Variants in DAB2IP observed in about 807,000 individuals in gnomAD.
DAB2IP encodes the protein DAB2 interacting protein, also known as disabled homolog 2-interacting protein.
In DAB2IP, 28 loss-of-function variants were observed where a neutral mutation model predicts 107.2. The ratio of observed to expected loss-of-function variants is 0.26; its 90% CI spans 0.19 to 0.36. The LOEUF is 0.36. Ranked by LOEUF, DAB2IP falls within the 10% of genes least tolerant of loss-of-function variation. The probability of loss-of-function intolerance (pLI) is 1.00; values close to 1 mark genes in which losing one functional copy is unlikely to be tolerated. For synonymous variants in DAB2IP, 755 were observed against 706.4 expected (o/e 1.07, Z -1.09); for missense variants, 1,400 against 1,644.7 (o/e 0.85, Z 2.57).
At chr9:121,771,801 G>A (rs549508567) in intron 11 of DAB2IP, among the ~76,000 whole-genome samples, 7 of 152,162 alleles carry the variant, frequency 4.6e-5, no homozygotes, top group South Asian at 2.1e-4. Flanking sequence ...CTTCCTCTCC[G>A]TCTGAGGCTA....
intron 10 of DAB2IP, among the ~76,000 whole-genome samples, chr9:121,770,344 G>A (rs994569215): frequency 2.0e-5 from 3 of 152,188 alleles, no homozygotes; most frequent in African/African-American, 7.2e-5. Context: ...CCCTAGAAAT[G>A]TCCGGGAGCT....
chr9:121,600,421 C>A (rs951474759), intron 1 of DAB2IP, among the ~76,000 whole-genome samples: 1 of 152,150 alleles, frequency 6.6e-6, no homozygotes, highest in African/African-American at 2.4e-5. Flanking sequence ...CAGGGACCAA[C>A]GCCACCTGCT....
chr9:121,666,003 T>C (rs1833404600), intron 1 of DAB2IP, among the ~76,000 whole-genome samples: 2 of 152,368 alleles, frequency 1.3e-5, no homozygotes, highest in Admixed American at 1.3e-4. Flanking sequence ...CAGAAAGTTA[T>C]TGTCTTACAG....
chr9:121,584,133 G>A (rs538681362), intron 1 of DAB2IP, among the ~76,000 whole-genome samples: 5 of 152,164 alleles, frequency 3.3e-5, no homozygotes, highest in East Asian at 1.9e-4. Flanking sequence ...AGTTGAGATC[G>A]TGCCATTGCA....
exon 9 of DAB2IP, chr9:121,766,702 G>A: frequency 6.2e-7 from 1 of 1,614,004 alleles, no homozygotes; most frequent in Non-Finnish European, 8.5e-7. Flanking sequence ...CATCGCCAAG[G>A]TCACCCAGAA....
At chr9:121,573,926 C>G (rs1830003887) in intron 1 of DAB2IP, among the ~76,000 whole-genome samples, 1 of 152,120 alleles carries the variant, frequency 6.6e-6, no homozygotes, top group Non-Finnish European at 1.5e-5. Context: ...GGAAAATCCT[C>G]TCTCCCGGGG....
chr9:121,661,080 T>C (rs946824201), intron 1 of DAB2IP, among the ~76,000 whole-genome samples: 1 of 151,942 alleles, frequency 6.6e-6, no homozygotes, highest in Admixed American at 6.5e-5. Flanking sequence ...ATGAGGGTCA[T>C]TGAGGGCTGG....
intron 1 of DAB2IP, among the ~76,000 whole-genome samples, chr9:121,571,169 A>G (rs117436295): frequency 5.3e-5 from 8 of 151,826 alleles, no homozygotes; most frequent in Non-Finnish European, 7.4e-5. Context: ...TCCTTAAACC[A>G]TGTTCCCCCA....
intron 1 of DAB2IP, among the ~76,000 whole-genome samples, chr9:121,678,308 T>A (rs1828385529): frequency 6.6e-6 from 1 of 152,274 alleles, no homozygotes; most frequent in Non-Finnish European, 1.5e-5. Context: ...CATTACAGCT[T>A]AAATCAGAAC....
chr9:121,775,833 CAG>C (rs1369599699), intron 13 of DAB2IP, among the ~76,000 whole-genome samples: 1 of 152,234 alleles, frequency 6.6e-6, no homozygotes, highest in Non-Finnish European at 1.5e-5. Flanking sequence ...TCCCACCTCT[CAG>C]GGTGCTGTCA....
At chr9:121,604,307 G>A (rs1268397096) in intron 1 of DAB2IP, among the ~76,000 whole-genome samples, 1 of 152,182 alleles carries the variant, frequency 6.6e-6, no homozygotes, top group Non-Finnish European at 1.5e-5. Flanking sequence ...CTCTCCCTGG[G>A]GCGAGCAGCT....
At chr9:121,774,475 A>T in intron 13 of DAB2IP, 63 bp downstream of exon 13, 1 of 1,500,410 alleles carries the variant, frequency 6.7e-7, no homozygotes, top group Non-Finnish European at 8.9e-7. Context: ...AGCTGGTAGG[A>T]GTCTCTCCCC....
At chr9:121,705,248 T>G (rs1327299924) in intron 3 of DAB2IP, among the ~76,000 whole-genome samples, 1 of 152,192 alleles carries the variant, frequency 6.6e-6, no homozygotes, top group Non-Finnish European at 1.5e-5. Context: ...TGTTTGTCTG[T>G]GTACGTCTTT....
At chr9:121,716,611 C>T (rs937105886) in intron 3 of DAB2IP, among the ~76,000 whole-genome samples, 3 of 152,188 alleles carry the variant, frequency 2.0e-5, no homozygotes, top group Non-Finnish European at 2.9e-5. Flanking sequence ...GGATCCATCC[C>T]CGTCCCAGCA....
chr9:121,594,632 TC>T (rs1212171615), intron 1 of DAB2IP, among the ~76,000 whole-genome samples: 4 of 152,278 alleles, frequency 2.6e-5, no homozygotes, highest in African/African-American at 7.2e-5. Context: ...TTTGGAATGA[TC>T]CCTTTTGGTT....
chr9:121,615,755 TA>T (rs759894113), intron 1 of DAB2IP, among the ~76,000 whole-genome samples: 1 of 151,736 alleles, frequency 6.6e-6, no homozygotes, highest in Non-Finnish European at 1.5e-5. Flanking sequence ...GCCTCCCGAG[TA>T]GCTGGGATTA....
chr9:121,585,051 C>A (rs565429301), intron 1 of DAB2IP, among the ~76,000 whole-genome samples: 1 of 152,132 alleles, frequency 6.6e-6, no homozygotes, highest in South Asian at 2.1e-4. Context: ...ACTACAGGCG[C>A]GTGCCACTGT....
intron 14 of DAB2IP, among the ~76,000 whole-genome samples, chr9:121,780,021 G>A (rs1486311153): frequency 6.6e-6 from 1 of 152,124 alleles, no homozygotes; most frequent in Non-Finnish European, 1.5e-5. Context: ...TGCATTGCCT[G>A]TATTGTGTCC....
chr9:121,727,123 G>T (rs1427475162), intron 3 of DAB2IP, among the ~76,000 whole-genome samples: 2 of 152,200 alleles, frequency 1.3e-5, no homozygotes, highest in East Asian at 3.9e-4. Flanking sequence ...ACTCTGAGGG[G>T]TGATACCTTG....
Sources: gnomAD v4.1 joint callset for allele counts (sites outside exome capture counted in the v4.1 genomes callset) on GRCh38, gnomAD v4.1.1 for gene constraint, MANE v1.5 for transcripts, NCBI Gene and HGNC (gene_info 2026-07-23, HGNC 2026-07-21) for gene names.